Variants in EVPLL observed in about 807,000 individuals in gnomAD.
EVPLL encodes envoplakin-like protein.
A neutral mutation model predicts 46.2 loss-of-function variants in EVPLL; 39 were observed. The observed-to-expected ratio is 0.84, with a 90% CI of 0.65 to 1.10. The LOEUF is 1.10. Ranked by LOEUF, EVPLL falls within the 50% of genes least tolerant of loss-of-function variation. The pLI, the probability that EVPLL is intolerant of heterozygous loss-of-function variation, is 0.00. For missense variants in EVPLL, 385 were observed against 412.6 expected, an observed-to-expected ratio of 0.93 and a Z score of 0.58; for synonymous variants, 156 against 165.8, an observed-to-expected ratio of 0.94 and a Z score of 0.46.
At chr17:18,384,375 G>T (rs937061924) in intron 9 of EVPLL, among the ~76,000 whole-genome samples, 13 of 151,796 alleles carry the variant, frequency 8.6e-5, no homozygotes, top group East Asian at 3.9e-4. Context: ...GTTTGAGGCT[G>T]CAGTGAGCCA....
At position 18,383,106 on chromosome 17, in the gene EVPLL, C is replaced by T. The variant is rs754084907; in HGVS notation, c.593C>T (p.Ala198Val). 2.6e-6 allele frequency: 4 copies of T among 1,550,034 alleles called. No homozygotes were observed. The highest frequency in any genetic ancestry group is 1.4e-5 in the African/African-American group (1 of 73,554). Residue 198 changes from alanine to valine, a missense_variant, in exon 7 of 11, where the codon GCG becomes GTG. Transcript: ENST00000399134. The stretch of plus-strand genomic sequence containing the variant: ...TGCACGTGGCAGCTGAGCGCCCTGG[C>T]GGAGCAGCAGCGCCGCATCCTGCAG... Reference protein sequence around the residue: ...QGCTWQLSALAEQQRRILQQD... With the variant: ...QGCTWQLSALVEQQRRILQQD...
chr17:18,385,030 A>G (rs1987725086), intron 9 of EVPLL, among the ~76,000 whole-genome samples: 1 of 151,944 alleles, frequency 6.6e-6, no homozygotes, highest in Admixed American at 6.6e-5. Flanking sequence ...AGAGAGACAG[A>G]GAAGCCAGAG....
intron 4 of EVPLL, 21 bp from the exon 5 acceptor site, chr17:18,382,492 G>A (rs1336086740): frequency 1.3e-6 from 2 of 1,551,310 alleles, no homozygotes; most frequent in Admixed American, 2.0e-5. Flanking sequence ...TGTGGTGACT[G>A]AGCCGCCGGC....
At position 18,382,807 on chromosome 17, in the gene EVPLL, C is replaced by T; in HGVS notation, c.473-19C>T. On this transcript the variant is annotated intron_variant, in intron 5 of 10. Coordinates refer to ENST00000399134, the MANE Select transcript of EVPLL (RefSeq NM_001145127.2). Reference sequence around the variant, plus strand: ...TGCCCCACCTCTCACGGGCTTGTTTCTCCCCTTGGTCAAGGCAGGATGCCG... The same window carrying T: ...TGCCCCACCTCTCACGGGCTTGTTTTTCCCCTTGGTCAAGGCAGGATGCCG... 1.9e-6 allele frequency: 3 copies of T among 1,612,318 alleles called. No homozygotes were observed. Among genetic ancestry groups the T allele is most frequent in the South Asian group, 1.1e-5 (1 of 90,806 alleles).
At chr17:18,384,228 A>G (rs1232876965) in intron 9 of EVPLL, among the ~76,000 whole-genome samples, 1 of 152,128 alleles carries the variant, frequency 6.6e-6, no homozygotes, top group African/African-American at 2.4e-5. Context: ...GCACTTTGGG[A>G]GGCCGAGCCA....
In EVPLL at chr17:18,381,526, G is replaced by A. The variant is rs1282602468; in HGVS notation, c.218+5G>A. The stretch of plus-strand genomic sequence containing the variant: ...GGCTGAGGAGACTGAGAAGGAGTGA[G>A]TGGGGCTGCGGCAGGGCTGGGGGTC... On this transcript the variant is annotated splice_donor_5th_base_variant and intron_variant, in intron 3 of 10. Coordinates refer to ENST00000399134, the MANE Select transcript of EVPLL (RefSeq NM_001145127.2). This position sits in a 1 kb window ranked among gnomAD's most constrained non-coding sequence, Gnocchi z 4.2. 1 of 1,613,684 alleles carries A rather than the reference G, an allele frequency of 6.2e-7. No individual in the cohort carries two copies. Among genetic ancestry groups the A allele is most frequent in the East Asian group, 2.2e-5 (1 of 44,870 alleles).
Position 18,377,832 on chromosome 17 carries a change from C to T in EVPLL, c.-188C>T. On this transcript the variant is annotated 5_prime_UTR_variant, in exon 1 of 11. Coordinates refer to ENST00000399134, the MANE Select transcript of EVPLL (RefSeq NM_001145127.2). Reference sequence around the variant, plus strand: ...CGCCCGCTGCCTCCCACCTGCCCTCCTGCCCTCCTTCACCAGCCAAGCCCA... The same window carrying T: ...CGCCCGCTGCCTCCCACCTGCCCTCTTGCCCTCCTTCACCAGCCAAGCCCA... 2 of 703,462 alleles carry T rather than the reference C, an allele frequency of 2.8e-6. No homozygotes were observed. The highest frequency in any genetic ancestry group is 1.9e-5 in the African/African-American group (1 of 52,392). 43.6% of individuals were successfully genotyped at this position (703,462 alleles called of 1,614,324 possible). A position where few individuals can be genotyped will look rare whatever the true frequency, so the allele number is the denominator to read the frequency against.
intron 9 of EVPLL, among the ~76,000 whole-genome samples, chr17:18,386,992 T>G (rs2151632414): frequency 6.6e-6 from 1 of 151,922 alleles, no homozygotes; most frequent in Admixed American, 6.6e-5. Context: ...CCTCCTGGGT[T>G]CATGCCATTC....
In EVPLL at chr17:18,381,431, A is replaced by G. The variant is rs549126432; in HGVS notation, c.128A>G (p.Lys43Arg). Residue 43 changes from lysine (K) to arginine (R), a missense_variant, in exon 3 of 11, where the codon AAG becomes AGG. Physicochemically the swap from Lys to Arg is conservative, Grantham distance 26. Coordinates refer to ENST00000399134, the MANE Select transcript of EVPLL (RefSeq NM_001145127.2). The surrounding 1 kb of genome is among the most constrained non-coding windows in gnomAD (Gnocchi z 4.2). ...CAGCAGGAGACGGGCAGCAGCCTGAAGGAGGCCGAGGTGCTGCTCAAGGAC... is the reference window on the plus strand; with the variant it reads ...CAGCAGGAGACGGGCAGCAGCCTGAGGGAGGCCGAGGTGCTGCTCAAGGAC... ...QHQQETGSSL[K>R]EAEVLLKDLF... 1 of 1,611,364 alleles carries G rather than the reference A, an allele frequency of 6.2e-7. No homozygotes were observed. Among genetic ancestry groups the G allele is most frequent in the Non-Finnish European group, 8.5e-7 (1 of 1,179,066 alleles).
chr17:18,383,143 C>T lies in EVPLL; in HGVS notation c.630C>T (p.Ser210=), dbSNP rs1418747707. 1.9e-6 allele frequency: 3 copies of T among 1,552,140 alleles called. No homozygotes were observed. The highest frequency in any genetic ancestry group is 2.6e-6 in the Non-Finnish European group (3 of 1,154,956). ...QQRRILQQDW[S]DLMADPAGVR... ...GCCGCATCCTGCAGCAGGACTGGAG[C>T]GACCTCATGGCCGACCCTGCGGGCG... The change falls in exon 7 of 11, where the codon AGC becomes AGT. Residue 210 remains serine, a synonymous_variant. Transcript: ENST00000399134.
At chr17:18,387,987 T>C (rs1460518190) in intron 9 of EVPLL, 1 of 173,992 alleles carries the variant, frequency 5.7e-6, no homozygotes, top group African/African-American at 2.6e-5. Context: ...CACTTCAGCC[T>C]GGGTGATGGA....
At chr17:18,387,129 G>C (rs564732828) in intron 9 of EVPLL, among the ~76,000 whole-genome samples, 1 of 149,406 alleles carries the variant, frequency 6.7e-6, no homozygotes, top group African/African-American at 2.5e-5. Flanking sequence ...TCAATCTCCT[G>C]ACCTCATGAT....
chr17:18,388,043 C>CATAT (rs555012137), intron 9 of EVPLL, 176 bp from the exon 10 acceptor site: 54 of 168,762 alleles, frequency 3.2e-4, no homozygotes, highest in Admixed American at 8.4e-4. Context: ...TATATATATA[C>CATAT]ATATATATGT....
At chr17:18,383,659 A>T (rs1987679417) in intron 9 of EVPLL, 72 bp downstream of exon 9, 1 of 1,330,316 alleles carries the variant, frequency 7.5e-7, no homozygotes, top group African/African-American at 1.4e-5. Context: ...GGCCCACAGG[A>T]GAGGCACTGC....
At chr17:18,378,168 G>C (rs1300096807) in intron 1 of EVPLL, among the ~76,000 whole-genome samples, 185 bp downstream of exon 1, 2 of 152,240 alleles carry the variant, frequency 1.3e-5, no homozygotes, top group Admixed American at 1.3e-4. Context: ...GGCCCAGGCC[G>C]AACTTCAGCC....
At position 18,388,052 on chromosome 17, in the gene EVPLL, GTA is replaced by G. The variant is rs945059430; in HGVS notation, c.877-156_877-155del. ...CATATATATATATATACATATATAT[GTA>G]TATATATATAAAATTTATTTATAGT... is the stretch of plus-strand genomic sequence containing the variant. On this transcript the variant is annotated intron_variant, in intron 9 of 10. Coordinates refer to ENST00000399134, the MANE Select transcript of EVPLL (RefSeq NM_001145127.2). The G allele has an allele frequency of 2.2e-3, 307 of 141,680 alleles. 3 individuals carry two copies. Among genetic ancestry groups the G allele is most frequent in the African/African-American group, 0.013 (284 of 21,948 alleles). The allele number at this position is 141,680 out of a possible 1,614,324, so 8.8% of individuals were successfully genotyped here.
In EVPLL at chr17:18,381,244, C is replaced by A. The variant is rs1051117896; in HGVS notation, c.64-123C>A. ...GCCCTGGGCCTGACCCTGTGCCTGG[C>A]GTGGGCCTCGAGGTTGGCCAGCATA... On this transcript the variant is annotated intron_variant, in intron 2 of 10. Transcript: ENST00000399134. This position sits in a 1 kb window ranked among gnomAD's most constrained non-coding sequence, Gnocchi z 4.2. The A allele has an allele frequency of 1.4e-6, 2 of 1,417,728 alleles. No individual in the cohort carries two copies. The highest frequency in any genetic ancestry group is 1.9e-6 in the Non-Finnish European group (2 of 1,074,166). The allele number at this position is 1,417,728 out of a possible 1,614,324, so 87.8% of individuals were successfully genotyped here.
At chr17:18,382,711 G>A in intron 5 of EVPLL, 73 bp downstream of exon 5, 2 of 1,547,000 alleles carry the variant, frequency 1.3e-6, no homozygotes, top group Non-Finnish European at 1.8e-6. Flanking sequence ...GCCGGAGCTA[G>A]ATCGGCTGGG....
Position 18,381,663 on chromosome 17 carries a change from G to C in EVPLL, c.279G>C (p.Glu93Asp), listed in dbSNP as rs556346982. The change falls in exon 4 of 11, where the codon GAG becomes GAC. Residue 93 changes from glutamate to aspartate, a missense_variant. Glu to Asp is a conservative substitution (Grantham distance 45, BLOSUM62 2). Coordinates refer to ENST00000399134, the MANE Select transcript of EVPLL (RefSeq NM_001145127.2). This position sits in a 1 kb window ranked among gnomAD's most constrained non-coding sequence, Gnocchi z 4.2. ...GTGCGGAGTACTGTGCCCTGTACGAGAAGATGGTGCTGCCGCCCCGACGTG... is the reference window on the plus strand; with the variant it reads ...GTGCGGAGTACTGTGCCCTGTACGACAAGATGGTGCTGCCGCCCCGACGTG... ...QECAEYCALYEKMVLPPRRGI... is the reference protein window; with the variant it reads ...QECAEYCALYDKMVLPPRRGI... 6 of 1,614,230 alleles carry C rather than the reference G, an allele frequency of 3.7e-6. No homozygotes were observed. The highest frequency in any genetic ancestry group is 5.1e-6 in the Non-Finnish European group (6 of 1,180,048).
Sources: gnomAD v4.1 joint callset for allele counts (sites outside exome capture counted in the v4.1 genomes callset) on GRCh38, gnomAD v4.1.1 for gene constraint, Gnocchi (gnomAD v3.1) non-coding constraint, MANE v1.5 for transcripts, NCBI Gene and HGNC (gene_info 2026-07-23, HGNC 2026-07-21) for gene names.